Variants in RPH3AL observed in about 807,000 individuals in gnomAD.
RPH3AL encodes the protein rabphilin 3A like (without C2 domains).
A neutral mutation model predicts 43.1 loss-of-function variants in RPH3AL; 38 were observed. The ratio of observed to expected loss-of-function variants is 0.88; its 90% CI spans 0.68 to 1.15. RPH3AL has a LOEUF of 1.15. Ranked by LOEUF, RPH3AL falls within the 50% of genes most tolerant of loss-of-function variation. The probability of loss-of-function intolerance (pLI) is 0.00; values close to 1 mark genes in which losing one functional copy is unlikely to be tolerated. For missense variants in RPH3AL, 462 were observed against 423.2 expected, an observed-to-expected ratio of 1.09 and a Z score of -0.81; for synonymous variants, 189 against 176.3, an observed-to-expected ratio of 1.07 and a Z score of -0.57.
At chr17:304,772 GC>G (rs1598054230) in intron 5 of RPH3AL, among the ~76,000 whole-genome samples, 1 of 151,626 alleles carries the variant, frequency 6.6e-6, no homozygotes, top group Admixed American at 6.6e-5. Context: ...GTTCCCTCCC[GC>G]CCTGCCCCAC....
At chr17:252,684 C>G (rs1436768351) in intron 6 of RPH3AL, among the ~76,000 whole-genome samples, 1 of 152,234 alleles carries the variant, frequency 6.6e-6, no homozygotes, top group African/African-American at 2.4e-5. Context: ...CCCACCCCAT[C>G]AGCCCAGTGC....
Position 245,147 on chromosome 17 carries a change from G to C in RPH3AL, c.613+1964C>G, listed in dbSNP as rs769177584. Among the ~76,000 whole-genome samples, 12 of 151,630 alleles carry C rather than the reference G, an allele frequency of 7.9e-5. No individual in the cohort carries two copies. The highest frequency in any genetic ancestry group is 5.2e-4 in the Admixed American group (8 of 15,244). Reference sequence around the variant, plus strand: ...TGTGGATGTGTGTGTCCATGTGGATGTGTGTGTGCACATGGATGTGTCTGT... The same window carrying C: ...TGTGGATGTGTGTGTCCATGTGGATCTGTGTGTGCACATGGATGTGTCTGT... On this transcript the variant is annotated intron_variant, in intron 7 of 9. Transcript: ENST00000331302. The surrounding 1 kb of genome is among the most constrained non-coding windows in gnomAD (Gnocchi z 5.9).
chr17:269,178 G>A (rs184319399), intron 6 of RPH3AL, among the ~76,000 whole-genome samples: 37 of 151,582 alleles, frequency 2.4e-4, no homozygotes, highest in African/African-American at 7.8e-4. Context: ...GTGCCTGGCC[G>A]ATTTTTTATT....
chr17:293,046 C>T (rs1294006484), intron 5 of RPH3AL, among the ~76,000 whole-genome samples: 1 of 152,226 alleles, frequency 6.6e-6, no homozygotes, highest in South Asian at 2.1e-4. Context: ...GGGAACCAGC[C>T]ACTCAGGGCC....
At chr17:220,791 A>G (rs1555530784) in intron 7 of RPH3AL, among the ~76,000 whole-genome samples, 1 of 3,318 alleles carries the variant, frequency 3.0e-4, no homozygotes, top group Non-Finnish European at 7.5e-4. Flanking sequence ...GCCTCCACTC[A>G]CTGAGACAAT....
chr17:250,368 C>T (rs868980974), intron 6 of RPH3AL, among the ~76,000 whole-genome samples: 4 of 140,902 alleles, frequency 2.8e-5, no homozygotes, highest in Admixed American at 1.4e-4. Flanking sequence ...TACCAAGCTC[C>T]GTCGCTGCGG....
chr17:304,771 C>T lies in RPH3AL; in HGVS notation c.351+14649G>A, dbSNP rs182480896. ...ACACTCTTCTTCTTTTGTTCCCTCC[C>T]GCCCTGCCCCACGGAGCCATTTACA... is the stretch of plus-strand genomic sequence containing the variant. On this transcript the variant is annotated intron_variant, in intron 5 of 9. Transcript: ENST00000331302. 5.4e-3 allele frequency among the ~76,000 whole-genome samples: 816 copies of T among 152,078 alleles called. 5 individuals are homozygous for T. The highest frequency in any genetic ancestry group is 0.014 in the African/African-American group (573 of 41,464).
intron 6 of RPH3AL, among the ~76,000 whole-genome samples, chr17:253,173 C>T (rs868945352): frequency 6.6e-6 from 1 of 152,134 alleles, no homozygotes; most frequent in African/African-American, 2.4e-5. Context: ...GAGTGAGGGG[C>T]GTGGGGCGAA....
At chr17:217,168 C>A (rs1411334458) in intron 8 of RPH3AL, among the ~76,000 whole-genome samples, 1 of 139,354 alleles carries the variant, frequency 7.2e-6, no homozygotes, top group African/African-American at 2.7e-5. Flanking sequence ...ATTACAGAGC[C>A]CTTCTTCTGC....
chr17:332,993 A>G, intron 2 of RPH3AL: 1 of 1,283,112 alleles, frequency 7.8e-7, no homozygotes, highest in Non-Finnish European at 1.0e-6. Context: ...CCTAGGGGAC[A>G]GAGGCTCATC....
At chr17:253,591 A>C (rs997166635) in intron 6 of RPH3AL, among the ~76,000 whole-genome samples, 1 of 152,150 alleles carries the variant, frequency 6.6e-6, no homozygotes, top group Non-Finnish European at 1.5e-5. Flanking sequence ...AGAACTTGCC[A>C]AACTGAAACT....
Position 346,222 on chromosome 17 carries a change from A to T in RPH3AL, c.-213+6490T>A, listed in dbSNP as rs541902889. 3.4e-3 allele frequency among the ~76,000 whole-genome samples: 461 copies of T among 135,248 alleles called. 62 individuals are homozygous for T. Among genetic ancestry groups the T allele is most frequent in the African/African-American group, 0.011 (426 of 39,464 alleles). 88.7% of individuals were successfully genotyped at this position (135,248 alleles called of 152,430 possible). ...CAAGCATAAGCTCTTAACCACAAGC[A>T]TAGTCCAACTTCTCAACACTTCATA... On this transcript the variant is annotated intron_variant, in intron 1 of 9. Transcript: ENST00000331302.
chr17:301,639 T>G (rs2043331349), intron 5 of RPH3AL, among the ~76,000 whole-genome samples: 1 of 152,096 alleles, frequency 6.6e-6, no homozygotes, highest in Non-Finnish European at 1.5e-5. Flanking sequence ...GGGTCTCGCT[T>G]TATTGCCTGG....
At chr17:244,436 AT>A (rs145520862) in intron 7 of RPH3AL, among the ~76,000 whole-genome samples, 5,363 of 148,998 alleles carry the variant, frequency 0.036, 126 homozygotes, top group South Asian at 0.099. Flanking sequence ...AGGGAAGAGA[AT>A]GGGGGGGGAG....
At chr17:253,484 G>A (rs1327285265) in intron 6 of RPH3AL, among the ~76,000 whole-genome samples, 3 of 152,088 alleles carry the variant, frequency 2.0e-5, no homozygotes, top group African/African-American at 4.8e-5. Context: ...TTGGCCTCCG[G>A]GTATGCGCAA....
chr17:329,774 G>A (rs1309078179), intron 2 of RPH3AL, among the ~76,000 whole-genome samples: 1 of 152,198 alleles, frequency 6.6e-6, no homozygotes, highest in Non-Finnish European at 1.5e-5. Flanking sequence ...TTTGTGGCAG[G>A]TTGTTTCGCT....
intron 5 of RPH3AL, among the ~76,000 whole-genome samples, chr17:297,946 G>A (rs1778763913): frequency 6.6e-6 from 1 of 152,154 alleles, no homozygotes; most frequent in South Asian, 2.1e-4. Context: ...GGACGAACAT[G>A]CAAACTTCCC....
intron 7 of RPH3AL, among the ~76,000 whole-genome samples, chr17:243,235 C>CCTCTATTGATTACCTTT (rs1555537970): frequency 1.4e-5 from 2 of 143,918 alleles, no homozygotes; most frequent in East Asian, 2.1e-4. Context: ...TGACTACCTT[C>CCTCTATTGATTACCTTT]CTCTATTGAT....
At chr17:296,717 C>T (rs114488693) in intron 5 of RPH3AL, among the ~76,000 whole-genome samples, 77 of 152,306 alleles carry the variant, frequency 5.1e-4, no homozygotes, top group African/African-American at 1.8e-3. Context: ...ACGTCACGCC[C>T]GCTTTTTTCA....
Sources: allele counts gnomAD v4.1 joint callset (sites outside exome capture counted in the v4.1 genomes callset), GRCh38; gene constraint gnomAD v4.1.1; non-coding constraint Gnocchi (gnomAD v3.1); transcripts MANE v1.5; gene names NCBI Gene and HGNC (gene_info 2026-07-23, HGNC 2026-07-21).